The following PPFIA2 variants were observed in gnomAD, a reference collection of about 807,000 sequenced individuals.
PPFIA2 encodes the protein PPFI scaffold protein A2.
PPFIA2 carries 46 observed loss-of-function variants against 175.5 expected under a neutral mutation model. That is an observed-to-expected ratio of 0.26 (90% confidence interval 0.21 to 0.34). The LOEUF (loss-of-function observed/expected upper bound fraction) is 0.34, where lower values mean the gene tolerates loss of function less well. Among genes scored for constraint, PPFIA2 ranks in the 10% least tolerant of loss-of-function variants. The pLI is 1.00. For synonymous variants in PPFIA2, 568 were observed against 511.4 expected, an observed-to-expected ratio of 1.11 and a Z score of -1.49; for missense variants, 1,179 against 1,506.1, an observed-to-expected ratio of 0.78 and a Z score of 3.60.
chr12:81,621,210 C>T (rs926184027), intron 4 of PPFIA2, among the ~76,000 whole-genome samples: 3 of 152,092 alleles, frequency 2.0e-5, no homozygotes, highest in Admixed American at 1.3e-4. Flanking sequence ...AAGAGCATAA[C>T]AGGCAGAGAA....
At position 81,716,602 on chromosome 12, in the gene PPFIA2, A is replaced by G. The variant is rs143922108; in HGVS notation, c.249+37371T>C. Among the ~76,000 whole-genome samples the G allele has an allele frequency of 6.9e-3, 1,046 of 151,584 alleles. 8 individuals are homozygous for G. The highest frequency in any genetic ancestry group is 0.017 in the Middle Eastern group (5 of 294). On this transcript the variant is annotated intron_variant, in intron 3 of 32. Transcript: ENST00000549396. ...AGCACACACATAGGGCGTTCTCTTCACACTGTCGGTGGAAAACACGAAAGC... is the reference window on the plus strand; with the variant it reads ...AGCACACACATAGGGCGTTCTCTTCGCACTGTCGGTGGAAAACACGAAAGC...
intron 7 of PPFIA2, among the ~76,000 whole-genome samples, chr12:81,429,268 T>A (rs915276944): frequency 6.6e-6 from 1 of 152,024 alleles, no homozygotes; most frequent in African/African-American, 2.4e-5. Flanking sequence ...AATACAAAAG[T>A]GAGTAATTTG....
Position 81,339,170 on chromosome 12 carries a change from G to C in PPFIA2, c.2548+10C>G, listed in dbSNP as rs2057627413. On this transcript the variant is annotated intron_variant, in intron 21 of 32. Transcript: ENST00000549396. Reference sequence around the variant, plus strand: ...GTGGCAGTGGAAAGTCTTAACACATGCATACTTACGGAGCTGCCCAAGTCG... The same window carrying C: ...GTGGCAGTGGAAAGTCTTAACACATCCATACTTACGGAGCTGCCCAAGTCG... 6.3e-7 allele frequency: 1 copy of C among 1,579,082 alleles called. No homozygotes were observed.
Position 81,362,794 on chromosome 12 carries a change from C to A in PPFIA2, c.1546-10G>T, listed in dbSNP as rs1254402364. Reference sequence around the variant, plus strand: ...CTTCTGCTAATCTTTCCTAAAAAATCAAAACAGTGTTACTCAGATGCCAGT... The same window carrying A: ...CTTCTGCTAATCTTTCCTAAAAAATAAAAACAGTGTTACTCAGATGCCAGT... On this transcript the variant is annotated splice_polypyrimidine_tract_variant and intron_variant, in intron 14 of 32. Coordinates refer to ENST00000549396, the MANE Select transcript of PPFIA2 (RefSeq NM_003625.5). 11 of 1,515,642 alleles carry A rather than the reference C, an allele frequency of 7.3e-6. No homozygotes were observed. The highest frequency in any genetic ancestry group is 2.4e-5 in the South Asian group (2 of 82,794). The allele number at this position is 1,515,642 out of a possible 1,614,324, so 93.9% of individuals were successfully genotyped here.
intron 7 of PPFIA2, among the ~76,000 whole-genome samples, chr12:81,408,801 C>T (rs931602966): frequency 1.3e-5 from 2 of 152,158 alleles, no homozygotes; most frequent in African/African-American, 2.4e-5. Flanking sequence ...AATGTTGGCT[C>T]TTGATACAGA....
chr12:81,313,218 A>G (rs547561755), intron 22 of PPFIA2, among the ~76,000 whole-genome samples: 2 of 152,280 alleles, frequency 1.3e-5, no homozygotes, highest in Non-Finnish European at 2.9e-5. Context: ...AATATATTAC[A>G]AGCATAATAG....
In PPFIA2 at chr12:81,709,938, TTTC is replaced by T. The variant is rs538337064; in HGVS notation, c.250-33097_250-33095del. Among the ~76,000 whole-genome samples the T allele has an allele frequency of 1.4e-3, 210 of 152,166 alleles. 1 individual carries two copies. Among genetic ancestry groups the T allele is most frequent in the Middle Eastern group, 6.8e-3 (2 of 292 alleles). ...CTGTCTTCCCAAAATATTTTACCAG[TTTC>T]TTCTTAAATAAACATTATATAAATC... On this transcript the variant is annotated intron_variant, in intron 3 of 32. Coordinates refer to ENST00000549396, the MANE Select transcript of PPFIA2 (RefSeq NM_003625.5).
intron 21 of PPFIA2, among the ~76,000 whole-genome samples, chr12:81,327,208 T>C (rs1396012264): frequency 6.6e-6 from 1 of 152,054 alleles, no homozygotes; most frequent in Non-Finnish European, 1.5e-5. Context: ...TAAAAACACA[T>C]TTATTGCTGT....
intron 4 of PPFIA2, among the ~76,000 whole-genome samples, chr12:81,529,818 G>A (rs181416965): frequency 2.0e-5 from 3 of 151,930 alleles, no homozygotes; most frequent in African/African-American, 7.2e-5. Context: ...AGGGGCTACT[G>A]GAGGGTAGAG....
chr12:81,580,428 A>G (rs1810340848), intron 4 of PPFIA2, among the ~76,000 whole-genome samples: 1 of 151,880 alleles, frequency 6.6e-6, no homozygotes, highest in African/African-American at 2.4e-5. Context: ...TATTAAAAGA[A>G]AATTGAAGCT....
chr12:81,591,693 T>G (rs1020673268), intron 4 of PPFIA2, among the ~76,000 whole-genome samples: 3 of 152,166 alleles, frequency 2.0e-5, no homozygotes, highest in Non-Finnish European at 2.9e-5. Flanking sequence ...CTTGGCAGCT[T>G]CCACATGCTG....
At chr12:81,508,364 A>G (rs375442107) in intron 4 of PPFIA2, among the ~76,000 whole-genome samples, 2 of 151,946 alleles carry the variant, frequency 1.3e-5, no homozygotes, top group African/African-American at 4.8e-5. Context: ...TCTACCAAAA[A>G]TACAAAATTA....
intron 4 of PPFIA2, among the ~76,000 whole-genome samples, chr12:81,602,115 T>C (rs1014785016): frequency 6.6e-5 from 10 of 151,900 alleles, no homozygotes; most frequent in Non-Finnish European, 1.3e-4. Flanking sequence ...AAAATATTTT[T>C]CTTTTTAAAT....
rs534595663 is a variant in PPFIA2, at chr12:81,622,282, TA to T, written c.303+54508del. ...CATATTCTGACTTTAAGCATAATAA[TA>T]AACAACATGTGCTTGCAATTTGATA... is the stretch of plus-strand genomic sequence containing the variant. On this transcript the variant is annotated intron_variant, in intron 4 of 32. Coordinates refer to ENST00000549396, the MANE Select transcript of PPFIA2 (RefSeq NM_003625.5). 2.7e-3 allele frequency among the ~76,000 whole-genome samples: 418 copies of T among 152,296 alleles called. 2 individuals carry two copies. The highest frequency in any genetic ancestry group is 0.014 in the Middle Eastern group (4 of 294).
intron 4 of PPFIA2, among the ~76,000 whole-genome samples, chr12:81,536,120 T>C (rs924201377): frequency 1.3e-5 from 2 of 151,738 alleles, no homozygotes; most frequent in African/African-American, 4.8e-5. Flanking sequence ...CTGCAAAGAA[T>C]ACACTATGAG....
chr12:81,439,310 T>C (rs1054914008), intron 7 of PPFIA2, among the ~76,000 whole-genome samples: 1 of 150,876 alleles, frequency 6.6e-6, no homozygotes, highest in Admixed American at 6.6e-5. Context: ...TCTTAGGTAT[T>C]ATATACATAC....
chr12:81,728,282 A>G (rs547492678), intron 3 of PPFIA2, among the ~76,000 whole-genome samples: 2 of 151,554 alleles, frequency 1.3e-5, no homozygotes, highest in South Asian at 4.1e-4. Flanking sequence ...CTTTTCTTAT[A>G]GGGCTATTTA....
chr12:81,265,247 C>G (rs1161368414), intron 30 of PPFIA2, among the ~76,000 whole-genome samples: 1 of 124,770 alleles, frequency 8.0e-6, no homozygotes, highest in Non-Finnish European at 1.6e-5. Flanking sequence ...GAGCCGAGAT[C>G]ACACCATTGC....
intron 4 of PPFIA2, chr12:81,473,016 G>A (rs2056966878): frequency 6.6e-6 from 1 of 152,140 alleles, no homozygotes; most frequent in Admixed American, 6.5e-5. Context: ...CTCATAGTAG[G>A]AATAACTCTT....
Sources: gnomAD v4.1 joint callset for allele counts (sites outside exome capture counted in the v4.1 genomes callset) on GRCh38, gnomAD v4.1.1 for gene constraint, MANE v1.5 for transcripts, NCBI Gene and HGNC (gene_info 2026-07-23, HGNC 2026-07-21) for gene names.